RGS8: variants seen among roughly 807,000 people sequenced by gnomAD.
RGS8 encodes regulator of G-protein signaling 8.
A neutral mutation model predicts 21.7 loss-of-function variants in RGS8; 8 were observed. The observed-to-expected ratio is 0.37, with a 90% confidence interval of 0.22 to 0.66. RGS8 has a LOEUF of 0.66. Ranked by LOEUF, RGS8 falls within the 30% of genes least tolerant of loss-of-function variation. The pLI is 0.59. For synonymous variants in RGS8, 80 were observed against 83.6 expected (o/e 0.96, Z 0.24); for missense variants, 157 against 217.9 (o/e 0.72, Z 1.76).
upstream of RGS8, among the ~76,000 whole-genome samples, chr1:182,689,264 G>GACACAC (rs34000229): frequency 0.015 from 1,907 of 125,738 alleles, 13 homozygotes; most frequent in East Asian, 0.061. Flanking sequence ...CACACACACA[G>GACACAC]ACACACACAC....
upstream of RGS8, among the ~76,000 whole-genome samples, chr1:182,688,126 A>T (rs1664746357): frequency 1.3e-5 from 2 of 152,232 alleles, no homozygotes; most frequent in Non-Finnish European, 2.9e-5. Flanking sequence ...TGTTCTTAGG[A>T]TAAGAAGATC....
chr1:182,674,911 C>T (rs1664307195), upstream of RGS8, among the ~76,000 whole-genome samples: 1 of 152,006 alleles, frequency 6.6e-6, no homozygotes, highest in South Asian at 2.1e-4. Context: ...CTGTCCTGCC[C>T]GCCTCTGAAC....
At chr1:182,692,447 C>T in the RGS8 span, among the ~76,000 whole-genome samples, 1 of 151,906 alleles carries the variant, frequency 6.6e-6, no homozygotes, top group Non-Finnish European at 1.5e-5. Context: ...ATAGGAATTA[C>T]AAAACACTAC....
upstream of RGS8, chr1:182,672,867 C>A (rs773484031): frequency 6.2e-7 from 1 of 1,613,978 alleles, no homozygotes; most frequent in Non-Finnish European, 8.5e-7. Context: ...GGAGGACTCT[C>A]TTCCTGCTTG....
intron 1 of RGS8, among the ~76,000 whole-genome samples, chr1:182,679,720 A>G (rs961871130): frequency 6.6e-6 from 1 of 152,112 alleles, no homozygotes; most frequent in Non-Finnish European, 1.5e-5. Context: ...CAGATATCCT[A>G]CAGGCCTAAC....
upstream of RGS8, among the ~76,000 whole-genome samples, chr1:182,686,093 A>T (rs928427458): frequency 1.3e-5 from 2 of 152,160 alleles, no homozygotes; most frequent in African/African-American, 4.8e-5. Flanking sequence ...GGATGTCGAC[A>T]AGCAGAGTCG....
chr1:182,741,801 G>T, the RGS8 span, among the ~76,000 whole-genome samples: 4 of 105,746 alleles, frequency 3.8e-5, no homozygotes, highest in African/African-American at 1.3e-4. Context: ...CGCGCAGAGG[G>T]GCTCCTCACT....
chr1:182,688,968 A>G (rs1285741275), upstream of RGS8, among the ~76,000 whole-genome samples: 3 of 152,180 alleles, frequency 2.0e-5, no homozygotes, highest in Admixed American at 1.3e-4. Context: ...GGGAATTTCA[A>G]CCTACAGAGC....
chr1:182,751,191 C>T, the RGS8 span, among the ~76,000 whole-genome samples: 1 of 152,100 alleles, frequency 6.6e-6, no homozygotes, highest in Non-Finnish European at 1.5e-5. Context: ...AAAGATCATG[C>T]CAAGAACTTT....
the RGS8 span, among the ~76,000 whole-genome samples, chr1:182,720,698 G>T: frequency 2.0e-5 from 3 of 151,998 alleles, no homozygotes; most frequent in African/African-American, 7.2e-5. Context: ...AATGTGCTCA[G>T]CATGCCTGCC....
the RGS8 span, among the ~76,000 whole-genome samples, chr1:182,749,113 A>C: frequency 6.6e-6 from 1 of 152,066 alleles, no homozygotes; most frequent in African/African-American, 2.4e-5. Context: ...CCATTTGTCT[A>C]CTTTTACATT....
intron 5 of RGS8, among the ~76,000 whole-genome samples, chr1:182,650,352 T>C (rs1662947912): frequency 6.6e-6 from 1 of 152,264 alleles, no homozygotes; most frequent in South Asian, 2.1e-4. Flanking sequence ...TTTACTTTCT[T>C]GAAATGTTTT....
the RGS8 span, among the ~76,000 whole-genome samples, chr1:182,732,269 T>TCTCACA: frequency 3.4e-4 from 43 of 126,446 alleles, no homozygotes; most frequent in African/African-American, 1.1e-3. Flanking sequence ...GCTCTCTCTC[T>TCTCACA]CATACACACA....
intron 1 of RGS8, among the ~76,000 whole-genome samples, chr1:182,678,990 T>C (rs1037104206): frequency 6.6e-6 from 1 of 152,148 alleles, no homozygotes. Flanking sequence ...CACCCTGACC[T>C]CCTTCCAGCT....
At chr1:182,716,214 C>A in the RGS8 span, among the ~76,000 whole-genome samples, 1 of 151,912 alleles carries the variant, frequency 6.6e-6, no homozygotes, top group Non-Finnish European at 1.5e-5. Flanking sequence ...CAACTTCCAC[C>A]TCCCGGGTTC....
At chr1:182,668,689 C>T (rs1369232972) in intron 3 of RGS8, among the ~76,000 whole-genome samples, 1 of 152,230 alleles carries the variant, frequency 6.6e-6, no homozygotes, top group Non-Finnish European at 1.5e-5. Context: ...GAATCTCAGC[C>T]AGGCCGCATT....
At chr1:182,706,019 G>A in the RGS8 span, among the ~76,000 whole-genome samples, 1 of 151,992 alleles carries the variant, frequency 6.6e-6, no homozygotes, top group Non-Finnish European at 1.5e-5. Flanking sequence ...GTCTCATTTT[G>A]TCACTCAGGC....
At chr1:182,676,986 C>T (rs1428197036), upstream of RGS8, among the ~76,000 whole-genome samples, 3 of 152,146 alleles carry the variant, frequency 2.0e-5, no homozygotes, top group East Asian at 5.8e-4. Flanking sequence ...AATTCCAGTA[C>T]ATCACACCCT....
At chr1:182,740,544 GTTTGTTTTTTTTTTTT>G in the RGS8 span, among the ~76,000 whole-genome samples, 1 of 103,322 alleles carries the variant, frequency 9.7e-6, no homozygotes, top group African/African-American at 3.7e-5. Context: ...TTTTTTGTTT[GTTTGTTTTTTTTTTTT>G]TTTTTTTTTT....
Sources: gnomAD v4.1 joint callset for allele counts (sites outside exome capture counted in the v4.1 genomes callset) on GRCh38, gnomAD v4.1.1 for gene constraint, MANE v1.5 for transcripts, NCBI Gene and HGNC (gene_info 2026-07-23, HGNC 2026-07-21) for gene names.